The following DZIP1L variants were observed in gnomAD, a reference collection of about 807,000 sequenced individuals.
DZIP1L encodes the protein cilium assembly protein DZIP1L.
In DZIP1L, 90 loss-of-function variants were observed where a neutral mutation model predicts 88.7. That is an observed-to-expected ratio of 1.02 (90% CI 0.86 to 1.21). The LOEUF (loss-of-function observed/expected upper bound fraction) is 1.21, where lower values mean the gene tolerates loss of function less well. DZIP1L is among the 50% of genes most tolerant of loss of function. The pLI is 0.00. For synonymous variants in DZIP1L, 363 were observed against 372.1 expected, an observed-to-expected ratio of 0.98 and a Z score of 0.28; for missense variants, 932 against 955.8, an observed-to-expected ratio of 0.98 and a Z score of 0.33.
chr3:138,110,383 T>C (rs775586642), intron 1 of DZIP1L, among the ~76,000 whole-genome samples: 9 of 152,020 alleles, frequency 5.9e-5, no homozygotes, highest in Admixed American at 2.6e-4. Context: ...TAAACCCACA[T>C]GGCACATGTA....
intron 2 of DZIP1L, among the ~76,000 whole-genome samples, chr3:138,098,494 C>T (rs1442758229): frequency 6.6e-6 from 1 of 152,370 alleles, no homozygotes; most frequent in East Asian, 1.9e-4. Flanking sequence ...AGCAATCTAT[C>T]ACATCGTCTT....
intron 4 of DZIP1L, among the ~76,000 whole-genome samples, chr3:138,093,319 C>G (rs1310489479): frequency 1.3e-5 from 2 of 152,122 alleles, no homozygotes; most frequent in Non-Finnish European, 2.9e-5. Context: ...TAGATCTCAA[C>G]AGTGGGCTTA....
chr3:138,091,866 T>C (rs1276591161), intron 5 of DZIP1L, among the ~76,000 whole-genome samples: 3 of 151,998 alleles, frequency 2.0e-5, no homozygotes, highest in African/African-American at 7.3e-5. Context: ...GGCTGGAAAA[T>C]AGTAAATACA....
chr3:138,092,148 C>T (rs546741169), intron 5 of DZIP1L, among the ~76,000 whole-genome samples: 2 of 109,720 alleles, frequency 1.8e-5, no homozygotes, highest in Admixed American at 1.0e-4. Flanking sequence ...AGAAATAAAA[C>T]TGAGGCATGA....
At chr3:138,110,540 T>C (rs565553763) in intron 1 of DZIP1L, among the ~76,000 whole-genome samples, 1 of 152,308 alleles carries the variant, frequency 6.6e-6, no homozygotes, top group East Asian at 1.9e-4. Flanking sequence ...CAAAGTTCCC[T>C]GCCCCTCCCC....
At chr3:138,084,428 G>T (rs1436939536) in intron 7 of DZIP1L, among the ~76,000 whole-genome samples, 175 bp from the exon 8 acceptor site, 2 of 152,220 alleles carry the variant, frequency 1.3e-5, no homozygotes, top group African/African-American at 4.8e-5. Context: ...TTTGTGCTGT[G>T]CCTGAGAAGA....
At chr3:138,087,526 G>A (rs1944003729) in intron 6 of DZIP1L, among the ~76,000 whole-genome samples, 2 of 152,048 alleles carry the variant, frequency 1.3e-5, no homozygotes, top group Admixed American at 6.5e-5. Flanking sequence ...AACAACAAAG[G>A]GCTGAGTTAA....
chr3:138,071,827 C>T lies in DZIP1L; in HGVS notation c.1431G>A (p.Lys477=). The change falls in exon 12 of 16, where the codon AAG becomes AAA. Residue 477 remains lysine, a synonymous_variant. Transcript: ENST00000327532. ...LESMGIRKDA[K]GISIQTLRHL... is the part of the protein sequence containing the mutation. Reference sequence around the variant, plus strand: ...GTCTGAGAGTCTGAATCGAGATTCCCTTTGCATCCTAGAGGAGACAGGAGT... The same window carrying T: ...GTCTGAGAGTCTGAATCGAGATTCCTTTTGCATCCTAGAGGAGACAGGAGT... 6.2e-7 allele frequency: 1 copy of T among 1,612,698 alleles called. No individual in the cohort carries two copies. Among genetic ancestry groups the T allele is most frequent in the South Asian group, 1.1e-5 (1 of 90,926 alleles).
intron 9 of DZIP1L, among the ~76,000 whole-genome samples, chr3:138,081,006 C>A (rs1943620914): frequency 6.6e-6 from 1 of 152,132 alleles, no homozygotes; most frequent in South Asian, 2.1e-4. Flanking sequence ...GGTCTCCATC[C>A]CTCAAGAAGT....
intron 10 of DZIP1L, 90 bp from the exon 11 acceptor site, chr3:138,077,722 C>A: frequency 1.3e-6 from 2 of 1,549,818 alleles, no homozygotes; most frequent in Non-Finnish European, 8.7e-7. Context: ...CCTCACACTG[C>A]CAGGAATCCT....
chr3:138,085,948 T>A (rs934524229), intron 7 of DZIP1L, among the ~76,000 whole-genome samples: 12 of 152,174 alleles, frequency 7.9e-5, no homozygotes, highest in African/African-American at 2.9e-4. Flanking sequence ...TGAGTTCATG[T>A]CCTTTGTAGG....
At chr3:138,080,762 C>T in intron 9 of DZIP1L, 142 bp from the exon 10 acceptor site, 1 of 721,096 alleles carries the variant, frequency 1.4e-6, no homozygotes, top group Non-Finnish European at 2.3e-6. Context: ...AGAGGCAGGA[C>T]AGAGCAGACA....
At chr3:138,068,107 G>A (rs1246662235) in intron 13 of DZIP1L, 44 bp downstream of exon 13, 1 of 1,432,012 alleles carries the variant, frequency 7.0e-7, no homozygotes, top group Non-Finnish European at 9.2e-7. Flanking sequence ...GAATCCAGGA[G>A]CCACCACTGC....
At chr3:138,065,888 C>A (rs1485268667) in intron 14 of DZIP1L, among the ~76,000 whole-genome samples, 1 of 152,214 alleles carries the variant, frequency 6.6e-6, no homozygotes, top group Non-Finnish European at 1.5e-5. Context: ...TGGGAGTAGA[C>A]AGTTGTTTTG....
intron 12 of DZIP1L, 82 bp downstream of exon 12, chr3:138,071,561 C>G (rs1943180241): frequency 1.3e-6 from 2 of 1,487,906 alleles, no homozygotes; most frequent in African/African-American, 1.4e-5. Context: ...AGAGACTATA[C>G]CCTCCTCATG....
At chr3:138,078,189 G>A (rs1012777600) in intron 10 of DZIP1L, among the ~76,000 whole-genome samples, 2 of 152,186 alleles carry the variant, frequency 1.3e-5, no homozygotes, top group Non-Finnish European at 2.9e-5. Flanking sequence ...ACAATTAAAT[G>A]TGGTAAGTGC....
chr3:138,102,065 G>C, intron 2 of DZIP1L: 1 of 1,479,484 alleles, frequency 6.8e-7, no homozygotes. Context: ...CCTCATACTT[G>C]ATCTGGTACA....
intron 5 of DZIP1L, among the ~76,000 whole-genome samples, chr3:138,091,742 T>TA (rs948780771): frequency 1.4e-4 from 21 of 150,790 alleles, no homozygotes; most frequent in African/African-American, 2.2e-4. Flanking sequence ...ATAGCTTTTT[T>TA]AAAAAAAAAC....
intron 8 of DZIP1L, among the ~76,000 whole-genome samples, chr3:138,082,785 G>A (rs1345545524): frequency 1.3e-5 from 2 of 152,168 alleles, no homozygotes; most frequent in Admixed American, 1.3e-4. Flanking sequence ...CTTTTTTGCA[G>A]CTGTAGTTTC....
Sources: gnomAD v4.1 joint callset for allele counts (sites outside exome capture counted in the v4.1 genomes callset) on GRCh38, gnomAD v4.1.1 for gene constraint, MANE v1.5 for transcripts, NCBI Gene and HGNC (gene_info 2026-07-23, HGNC 2026-07-21) for gene names.